The following DMRT1 variants were observed in gnomAD, a reference collection of about 807,000 sequenced individuals.
The protein encoded by DMRT1 is doublesex and mab-3 related transcription factor 1.
Under a neutral mutation model 32.3 loss-of-function variants are expected in DMRT1, and 7 were observed. That is an observed-to-expected ratio of 0.22 (90% CI 0.12 to 0.41). The LOEUF is 0.41. Ranked by LOEUF, DMRT1 falls within the 10% of genes least tolerant of loss-of-function variation. The probability of loss-of-function intolerance (pLI) is 1.00; values close to 1 mark genes in which losing one functional copy is unlikely to be tolerated. For synonymous variants in DMRT1, 278 were observed against 206.1 expected (o/e 1.35, Z -2.99); for missense variants, 625 against 500.5 (o/e 1.25, Z -2.37).
intron 2 of DMRT1, among the ~76,000 whole-genome samples, chr9:863,790 T>C (rs955277001): frequency 4.6e-5 from 7 of 152,228 alleles, no homozygotes; most frequent in African/African-American, 1.7e-4. Context: ...ATAATCTAGA[T>C]TTCCCTTGTT....
intron 2 of DMRT1, among the ~76,000 whole-genome samples, chr9:859,683 C>G (rs34950920): frequency 0.31 from 47,828 of 152,026 alleles, 8,318 homozygotes; most frequent in African/African-American, 0.48. Context: ...GTCTCTAAAA[C>G]GTCTGCAGGC....
intron 4 of DMRT1, among the ~76,000 whole-genome samples, chr9:964,068 G>A (rs1434224892): frequency 4.6e-5 from 7 of 152,140 alleles, no homozygotes; most frequent in African/African-American, 9.7e-5. Flanking sequence ...TTTAAAGCAT[G>A]AATATCCTGT....
chr9:908,214 G>A (rs187311541), intron 3 of DMRT1, among the ~76,000 whole-genome samples: 18 of 152,090 alleles, frequency 1.2e-4, no homozygotes, highest in Admixed American at 1.2e-3. Context: ...GCTCTTGGAG[G>A]GGGGCCCAAG....
chr9:862,858 G>A (rs947976654), intron 2 of DMRT1, among the ~76,000 whole-genome samples: 5 of 152,040 alleles, frequency 3.3e-5, no homozygotes, highest in African/African-American at 7.2e-5. Flanking sequence ...GGTGAATAAC[G>A]GCCTCCCAAA....
At chr9:886,652 C>G (rs1816942214) in intron 2 of DMRT1, among the ~76,000 whole-genome samples, 1 of 151,854 alleles carries the variant, frequency 6.6e-6, no homozygotes, top group African/African-American at 2.4e-5. Flanking sequence ...TGGAAAACCA[C>G]TTTTTGAAAA....
chr9:859,166 T>A (rs1390542112), intron 2 of DMRT1, among the ~76,000 whole-genome samples: 1 of 152,164 alleles, frequency 6.6e-6, no homozygotes, highest in Non-Finnish European at 1.5e-5. Flanking sequence ...TCTGCCAGCA[T>A]CCTTTCTTGG....
At chr9:867,509 T>C (rs1816043479) in intron 2 of DMRT1, among the ~76,000 whole-genome samples, 1 of 152,244 alleles carries the variant, frequency 6.6e-6, no homozygotes, top group Non-Finnish European at 1.5e-5. Context: ...GCAGGTGTTG[T>C]CTTAGCTGCT....
Position 908,763 on chromosome 9 carries a change from A to G in DMRT1, c.823-8000A>G, listed in dbSNP as rs529149881. ...CAACTTAAAACATCTTAAATGAATC[A>G]CTTCTGAAATGGTTGGTTCTCTCTG... On this transcript the variant is annotated intron_variant, in intron 3 of 4. Coordinates refer to ENST00000382276, the MANE Select transcript of DMRT1 (RefSeq NM_021951.3). 1.1e-4 allele frequency among the ~76,000 whole-genome samples: 17 copies of G among 152,002 alleles called. No individual in the cohort carries two copies. The East Asian group carries it at 2.7e-3, about 24-fold the overall frequency.
intron 3 of DMRT1, among the ~76,000 whole-genome samples, chr9:913,222 T>G (rs942956727): frequency 6.6e-6 from 1 of 152,172 alleles, no homozygotes; most frequent in Non-Finnish European, 1.5e-5. Flanking sequence ...AAAAGCATTT[T>G]CCTTGAAGAA....
intron 2 of DMRT1, among the ~76,000 whole-genome samples, chr9:887,513 A>G (rs1170884885): frequency 6.6e-6 from 1 of 152,194 alleles, no homozygotes; most frequent in Non-Finnish European, 1.5e-5. Flanking sequence ...TAACTCCAGC[A>G]TAACCTTCCA....
intron 2 of DMRT1, among the ~76,000 whole-genome samples, chr9:856,211 C>G (rs1002595528): frequency 1.3e-5 from 2 of 152,138 alleles, no homozygotes; most frequent in Admixed American, 6.5e-5. Context: ...GCCACCGCGC[C>G]CGGTGACCTC....
chr9:906,673 TG>T (rs1280664140), intron 3 of DMRT1, among the ~76,000 whole-genome samples: 2 of 152,198 alleles, frequency 1.3e-5, no homozygotes, highest in Non-Finnish European at 2.9e-5. Flanking sequence ...TGTGCGGTTG[TG>T]GGCATCATTT....
At chr9:955,298 T>C (rs1434765726) in intron 4 of DMRT1, among the ~76,000 whole-genome samples, 1 of 152,074 alleles carries the variant, frequency 6.6e-6, no homozygotes, top group Non-Finnish European at 1.5e-5. Context: ...TTCTGGGAGT[T>C]CGACAGTAGC....
intron 4 of DMRT1, among the ~76,000 whole-genome samples, chr9:950,512 A>G (rs2129952374): frequency 6.6e-6 from 1 of 152,270 alleles, no homozygotes. Context: ...TAAGGATGTT[A>G]ATATCCACCT....
At chr9:881,908 A>G (rs575076596) in intron 2 of DMRT1, among the ~76,000 whole-genome samples, 6 of 152,216 alleles carry the variant, frequency 3.9e-5, no homozygotes, top group Non-Finnish European at 8.8e-5. Context: ...TGTCTCTGGT[A>G]TCTTGCCAAT....
chr9:932,538 A>C (rs1377480425), intron 4 of DMRT1, among the ~76,000 whole-genome samples: 1 of 152,204 alleles, frequency 6.6e-6, no homozygotes, highest in Admixed American at 6.5e-5. Context: ...CAACAATCTT[A>C]CTAAGTAATG....
chr9:955,218 G>A lies in DMRT1; in HGVS notation c.968-12767G>A, dbSNP rs1440125352. Among the ~76,000 whole-genome samples, 5 of 152,104 alleles carry A rather than the reference G, an allele frequency of 3.3e-5. No individual in the cohort carries two copies. The East Asian group carries it at 5.8e-4, about 18-fold the overall frequency. ...GCACTTGTCCAGTGCTCCTGAGAGA[G>A]GGCAGGAAAGAGCAGGGCAGGCCAC... On this transcript the variant is annotated intron_variant, in intron 4 of 4. Transcript: ENST00000382276.
chr9:916,789 A>G lies in DMRT1; in HGVS notation c.849A>G (p.Ala283=), dbSNP rs763256188. 1.2e-6 allele frequency: 2 copies of G among 1,614,060 alleles called. No homozygotes were observed. The highest frequency in any genetic ancestry group is 8.5e-7 in the Non-Finnish European group (1 of 1,180,030). Residue 283 remains alanine, a synonymous_variant, in exon 4 of 5, where the codon GCA becomes GCG. Coordinates refer to ENST00000382276, the MANE Select transcript of DMRT1 (RefSeq NM_021951.3). ...WQMKNMENRH[A]MSSQYRMHSY... ...TGAAGAACATGGAGAACCGCCATGC[A>G]ATGAGCTCCCAGTACAGGATGCATT...
At chr9:864,845 G>C (rs553845825) in intron 2 of DMRT1, among the ~76,000 whole-genome samples, 1 of 144,866 alleles carries the variant, frequency 6.9e-6, no homozygotes, top group Non-Finnish European at 1.5e-5. Flanking sequence ...TTTTAGCTAT[G>C]AGTAGGTCTC....
Sources: allele counts gnomAD v4.1 joint callset (sites outside exome capture counted in the v4.1 genomes callset), GRCh38; gene constraint gnomAD v4.1.1; transcripts MANE v1.5; gene names NCBI Gene and HGNC (gene_info 2026-07-23, HGNC 2026-07-21).